The following MAPK10 variants were observed in gnomAD, a reference collection of about 807,000 sequenced individuals.
MAPK10 encodes the protein JNK3 alpha protein kinase.
A neutral mutation model predicts 59.3 loss-of-function variants in MAPK10; 25 were observed. The ratio of observed to expected loss-of-function variants is 0.42; its 90% CI spans 0.31 to 0.59. The LOEUF is 0.59. Among genes scored for constraint, MAPK10 ranks in the 20% least tolerant of loss-of-function variants. The probability of loss-of-function intolerance (pLI) is 0.15; values close to 1 mark genes in which losing one functional copy is unlikely to be tolerated. For synonymous variants in MAPK10, 190 were observed against 200.5 expected (o/e 0.95, Z 0.44); for missense variants, 351 against 568.9 (o/e 0.62, Z 3.90).
At chr4:86,114,412 G>T (rs1331458440) in intron 4 of MAPK10, among the ~76,000 whole-genome samples, 2 of 146,280 alleles carry the variant, frequency 1.4e-5, no homozygotes, top group African/African-American at 2.4e-5. Context: ...GGGGTCTTTT[G>T]TTTAACAGTA....
intron 4 of MAPK10, among the ~76,000 whole-genome samples, chr4:86,111,934 C>G (rs2057547321): frequency 1.3e-5 from 2 of 152,028 alleles, no homozygotes; most frequent in Admixed American, 6.6e-5. Flanking sequence ...CAGCTTCTTC[C>G]TGGTTCAGTT....
intron 1 of MAPK10, among the ~76,000 whole-genome samples, chr4:86,450,963 A>T (rs1750626914): frequency 6.6e-6 from 1 of 152,196 alleles, no homozygotes; most frequent in Non-Finnish European, 1.5e-5. Flanking sequence ...TGCCATTTGG[A>T]TGTAAATCCA....
At chr4:86,251,756 C>A (rs1274150454) in intron 2 of MAPK10, among the ~76,000 whole-genome samples, 12 of 134,178 alleles carry the variant, frequency 8.9e-5, no homozygotes, top group African/African-American at 3.0e-4. Context: ...GCCACACTGA[C>A]TTCCACAATG....
chr4:86,376,977 A>G (rs1404256071), intron 1 of MAPK10, among the ~76,000 whole-genome samples: 2 of 152,212 alleles, frequency 1.3e-5, no homozygotes, highest in African/African-American at 2.4e-5. Context: ...AGAGTAGCCC[A>G]TCAGAGTCAG....
chr4:86,496,852 A>G (rs1243146069), intron 1 of MAPK10, among the ~76,000 whole-genome samples: 2 of 152,160 alleles, frequency 1.3e-5, no homozygotes, highest in African/African-American at 2.4e-5. Flanking sequence ...GGCTAAGCAC[A>G]CGCTTAGTCA....
In MAPK10 at chr4:86,334,436, A is replaced by G. The variant is rs538726414; in HGVS notation, c.-7+20094T>C. Among the ~76,000 whole-genome samples, 5 of 152,292 alleles carry G rather than the reference A, an allele frequency of 3.3e-5. No individual in the cohort carries two copies. In the East Asian group the frequency reaches 7.7e-4, roughly 24 times the overall value. On this transcript the variant is annotated intron_variant, in intron 2 of 13. Transcript: ENST00000641462. ...AAGAGAGCACTCTTCAAATGCTCAA[A>G]TCTGCTTGTGTCTGTGACTCCACTT... is the stretch of plus-strand genomic sequence containing the variant.
chr4:86,337,759 G>A (rs925376049), intron 2 of MAPK10, among the ~76,000 whole-genome samples: 1 of 152,128 alleles, frequency 6.6e-6, no homozygotes, highest in Non-Finnish European at 1.5e-5. Flanking sequence ...ATGTGCTGAG[G>A]CCAACTGAAT....
intron 1 of MAPK10, among the ~76,000 whole-genome samples, chr4:86,483,287 A>C (rs1249427138): frequency 2.0e-5 from 3 of 152,148 alleles, no homozygotes; most frequent in Non-Finnish European, 4.4e-5. Flanking sequence ...TGAAATGCCC[A>C]TATTTTAGGT....
chr4:86,050,648 C>T lies in MAPK10; in HGVS notation c.1110+13618G>A, dbSNP rs144716302. On this transcript the variant is annotated intron_variant, in intron 11 of 13. Coordinates refer to ENST00000641462, the MANE Select transcript of MAPK10 (RefSeq NM_138982.4). ...TTTGCCTGGATTTGAGCTTAGCCTTCCATTCTTGGGGGAGCTATTCATTAC... is the reference window on the plus strand; with the variant it reads ...TTTGCCTGGATTTGAGCTTAGCCTTTCATTCTTGGGGGAGCTATTCATTAC... 1.6e-3 allele frequency among the ~76,000 whole-genome samples: 239 copies of T among 152,200 alleles called. 2 individuals are homozygous for T. The highest frequency in any genetic ancestry group is 5.4e-3 in the African/African-American group (226 of 41,550).
At chr4:86,184,081 T>G (rs973570199) in intron 3 of MAPK10, among the ~76,000 whole-genome samples, 69 of 152,308 alleles carry the variant, frequency 4.5e-4, no homozygotes, top group Admixed American at 1.4e-3. Flanking sequence ...TTTCTCCCAT[T>G]CTGTAGGTTG....
At chr4:86,272,660 G>A (rs770610090) in intron 2 of MAPK10, among the ~76,000 whole-genome samples, 1 of 151,894 alleles carries the variant, frequency 6.6e-6, no homozygotes, top group Non-Finnish European at 1.5e-5. Flanking sequence ...GTTGCTTAAT[G>A]TAACTCTTGT....
intron 1 of MAPK10, among the ~76,000 whole-genome samples, chr4:86,466,463 C>T (rs988502679): frequency 2.6e-5 from 4 of 152,092 alleles, no homozygotes; most frequent in Non-Finnish European, 5.9e-5. Context: ...TGATATGGCC[C>T]GTTGTAGGCC....
intron 9 of MAPK10, among the ~76,000 whole-genome samples, chr4:86,078,863 C>T (rs1034887207): frequency 6.6e-6 from 1 of 151,974 alleles, no homozygotes; most frequent in African/African-American, 2.4e-5. Context: ...GTGGCACATG[C>T]CTGTAATCCC....
intron 1 of MAPK10, among the ~76,000 whole-genome samples, chr4:86,576,732 G>A (rs965045626): frequency 1.3e-4 from 20 of 151,244 alleles, no homozygotes; most frequent in African/African-American, 4.9e-4. Context: ...CCGAGATCGC[G>A]CCACTGTAGT....
chr4:86,206,529 A>G (rs7677251), intron 2 of MAPK10, among the ~76,000 whole-genome samples: 33,342 of 149,670 alleles, frequency 0.22, 3,503 homozygotes, highest in African/African-American at 0.37. Flanking sequence ...TCTTTATAGC[A>G]GCATGATTTA....
chr4:86,420,558 C>T (rs1038212130), intron 1 of MAPK10, among the ~76,000 whole-genome samples: 7 of 151,968 alleles, frequency 4.6e-5, no homozygotes, highest in Non-Finnish European at 7.4e-5. Context: ...GAGGCTGAGG[C>T]GAGTGTATCA....
intron 1 of MAPK10, among the ~76,000 whole-genome samples, chr4:86,526,889 G>A (rs1400570711): frequency 6.6e-6 from 1 of 152,058 alleles, no homozygotes; most frequent in Non-Finnish European, 1.5e-5. Flanking sequence ...TTTTGGTATT[G>A]AATTATATTT....
At chr4:86,158,413 C>T (rs1220677430) in intron 4 of MAPK10, among the ~76,000 whole-genome samples, 1 of 151,778 alleles carries the variant, frequency 6.6e-6, no homozygotes, top group Non-Finnish European at 1.5e-5. Context: ...GCTGTAAATT[C>T]ATCTCATCCC....
At chr4:86,513,699 C>T (rs1156733025) in intron 1 of MAPK10, among the ~76,000 whole-genome samples, 2 of 152,140 alleles carry the variant, frequency 1.3e-5, no homozygotes, top group African/African-American at 2.4e-5. Context: ...TTTATACAAA[C>T]TAAGCTTATT....
Sources: gnomAD v4.1 joint callset for allele counts (sites outside exome capture counted in the v4.1 genomes callset) on GRCh38, gnomAD v4.1.1 for gene constraint, MANE v1.5 for transcripts, NCBI Gene and HGNC (gene_info 2026-07-23, HGNC 2026-07-21) for gene names.